The following ISCA1 variants were observed in gnomAD, a reference collection of about 807,000 sequenced individuals.
The protein encoded by ISCA1 is iron-sulfur cluster assembly 1 homolog, mitochondrial.
ISCA1 carries 9 observed loss-of-function variants against 14.7 expected under a neutral mutation model. The ratio of observed to expected loss-of-function variants is 0.61; its 90% CI spans 0.37 to 1.07. The LOEUF is 1.07. ISCA1 is among the 50% of genes least tolerant of loss of function. ISCA1 has a pLI of 0.01. For synonymous variants in ISCA1, 38 were observed against 54.3 expected, an observed-to-expected ratio of 0.70 and a Z score of 1.32; for missense variants, 102 against 150.1, an observed-to-expected ratio of 0.68 and a Z score of 1.67.
In ISCA1 at chr9:86,272,127, A is replaced by G. The variant is rs750786006; in HGVS notation, c.136-15T>C. The G allele has an allele frequency of 2.0e-6, 3 of 1,490,322 alleles. No homozygotes were observed. In the South Asian group the frequency reaches 3.4e-5, roughly 17 times the overall value. 92.3% of individuals were successfully genotyped at this position (1,490,322 alleles called of 1,614,324 possible). A position where few individuals can be genotyped will look rare whatever the true frequency, so the allele number is the denominator to read the frequency against. The stretch of plus-strand genomic sequence containing the variant: ...TTTACACCTACCTGAAAAAGAAGTG[A>G]AAATATAAACTTGGTTTTAAAGTAG... On this transcript the variant is annotated splice_polypyrimidine_tract_variant and intron_variant, in intron 2 of 3. Transcript: ENST00000375991.
chr9:86,280,162 A>ATG (rs1825492167), intron 1 of ISCA1, among the ~76,000 whole-genome samples: 1 of 152,234 alleles, frequency 6.6e-6, no homozygotes, highest in Non-Finnish European at 1.5e-5. Flanking sequence ...GAGGTGGCAA[A>ATG]GGCTTGGCCT....
intron 1 of ISCA1, among the ~76,000 whole-genome samples, chr9:86,278,565 G>C (rs1006480756): frequency 1.3e-5 from 2 of 152,100 alleles, no homozygotes; most frequent in Non-Finnish European, 2.9e-5. Flanking sequence ...AGTTACTTGG[G>C]AGGCTGAGGT....
At chr9:86,276,898 GC>G in intron 1 of ISCA1, among the ~76,000 whole-genome samples, 1 of 72,936 alleles carries the variant, frequency 1.4e-5, no homozygotes, top group Admixed American at 1.3e-4. Flanking sequence ...AAAAAAAAAG[GC>G]ATAGCCATGG....
At position 86,278,694 on chromosome 9, in the gene ISCA1, T is replaced by C. The variant is rs146022946; in HGVS notation, c.81+3684A>G. Among the ~76,000 whole-genome samples the C allele has an allele frequency of 2.6e-3, 391 of 152,266 alleles. 1 individual carries two copies. The highest frequency in any genetic ancestry group is 9.1e-3 in the African/African-American group (377 of 41,560). On this transcript the variant is annotated intron_variant, in intron 1 of 3. Transcript: ENST00000375991. ...CTAAAAAGAAAAAGGTTTGTAATCA[T>C]GGCATATATACATAATTTTGCAGCC... is the stretch of plus-strand genomic sequence containing the variant.
chr9:86,276,393 G>A (rs7037555), intron 1 of ISCA1, among the ~76,000 whole-genome samples: 46,433 of 151,980 alleles, frequency 0.31, 8,312 homozygotes, highest in East Asian at 0.49. Context: ...AGTCTGTAGC[G>A]CAGGGACTGG....
intron 1 of ISCA1, among the ~76,000 whole-genome samples, chr9:86,279,846 A>G (rs1825487228): frequency 6.6e-6 from 1 of 152,244 alleles, no homozygotes; most frequent in Non-Finnish European, 1.5e-5. Flanking sequence ...AATACATGCC[A>G]TAGTGTCCTG....
chr9:86,264,962 A>G lies in ISCA1; in HGVS notation c.*1081T>C, dbSNP rs1825276882. 3 of 152,214 alleles carry G rather than the reference A, an allele frequency of 2.0e-5. No homozygotes were observed. Among genetic ancestry groups the G allele is most frequent in the South Asian group, 4.1e-4 (2 of 4,834 alleles). 9.4% of individuals were successfully genotyped at this position (152,214 alleles called of 1,614,324 possible). ...TGCACACTGGGAATTTTAACAAAAG[A>G]TTACACATTCTCCTGTACAGTGAGG... On this transcript the variant is annotated 3_prime_UTR_variant, in exon 4 of 4. Transcript: ENST00000375991.
intron 3 of ISCA1, among the ~76,000 whole-genome samples, chr9:86,266,591 T>G (rs1825295301): frequency 6.6e-6 from 1 of 152,156 alleles, no homozygotes; most frequent in African/African-American, 2.4e-5. Flanking sequence ...AGCTTAAAGA[T>G]GTACAAAGGA....
At chr9:86,274,275 A>G (rs755430535) in intron 1 of ISCA1, 33 bp from the exon 2 acceptor site, 1 of 1,420,502 alleles carries the variant, frequency 7.0e-7, no homozygotes, top group South Asian at 1.2e-5. Context: ...TTAGCTACAA[A>G]ACTTGTTATT....
chr9:86,277,347 T>C lies in ISCA1; in HGVS notation c.82-3105A>G, dbSNP rs1825451336. ...CAGGCCAAAACCAAACCTACTCCAC[T>C]GGGAGGGTGTTACTAATGATGGACA... On this transcript the variant is annotated intron_variant, in intron 1 of 3. Transcript: ENST00000375991. Among the ~76,000 whole-genome samples the C allele has an allele frequency of 2.6e-5, 4 of 152,102 alleles. No individual in the cohort carries two copies. The South Asian group carries it at 8.3e-4, about 31-fold the overall frequency.
At chr9:86,281,258 G>A (rs1351880681) in intron 1 of ISCA1, among the ~76,000 whole-genome samples, 1 of 152,104 alleles carries the variant, frequency 6.6e-6, no homozygotes, top group Non-Finnish European at 1.5e-5. Context: ...TATAATCAGG[G>A]TAATATCAAA....
chr9:86,275,345 G>A (rs1344559599), intron 1 of ISCA1, among the ~76,000 whole-genome samples: 4 of 152,008 alleles, frequency 2.6e-5, no homozygotes, highest in Non-Finnish European at 5.9e-5. Flanking sequence ...TAAAGTCTTT[G>A]AGACTGCTTG....
chr9:86,267,550 G>A (rs952267389), intron 3 of ISCA1: 44 of 953,208 alleles, frequency 4.6e-5, no homozygotes, highest in Non-Finnish European at 5.4e-5. Context: ...TAGGGTGGAA[G>A]AAGGGGGCAG....
chr9:86,272,126 G>A lies in ISCA1; in HGVS notation c.136-14C>T. The A allele has an allele frequency of 6.7e-7, 1 of 1,493,450 alleles. No homozygotes were observed. Among genetic ancestry groups the A allele is most frequent in the East Asian group, 2.3e-5 (1 of 44,242 alleles). The allele number at this position is 1,493,450 out of a possible 1,614,324, so 92.5% of individuals were successfully genotyped here. On this transcript the variant is annotated splice_polypyrimidine_tract_variant and intron_variant, in intron 2 of 3. Coordinates refer to ENST00000375991, the MANE Select transcript of ISCA1 (RefSeq NM_030940.4). Reference sequence around the variant, plus strand: ...TTTTACACCTACCTGAAAAAGAAGTGAAAATATAAACTTGGTTTTAAAGTA... The same window carrying A: ...TTTTACACCTACCTGAAAAAGAAGTAAAAATATAAACTTGGTTTTAAAGTA...
chr9:86,266,647 A>G (rs1480037180), intron 3 of ISCA1, among the ~76,000 whole-genome samples: 1 of 152,198 alleles, frequency 6.6e-6, no homozygotes, highest in East Asian at 1.9e-4. Flanking sequence ...CAGTACAACA[A>G]TAGTCTTTTC....
intron 3 of ISCA1, among the ~76,000 whole-genome samples, chr9:86,269,563 C>T (rs1825339654): frequency 6.6e-6 from 1 of 151,906 alleles, no homozygotes. Context: ...CTACCAATGA[C>T]TTTCTTCACA....
intron 1 of ISCA1, among the ~76,000 whole-genome samples, chr9:86,280,369 A>G (rs1366480132): frequency 6.6e-6 from 1 of 152,014 alleles, no homozygotes; most frequent in African/African-American, 2.4e-5. Context: ...GTGGATCACG[A>G]GGTCAGGAGT....
At chr9:86,276,596 A>G (rs1032134119) in intron 1 of ISCA1, among the ~76,000 whole-genome samples, 14 of 152,056 alleles carry the variant, frequency 9.2e-5, no homozygotes, top group Admixed American at 7.9e-4. Flanking sequence ...TATTCCCAAC[A>G]CTTTGGGAGG....
chr9:86,267,031 T>A (rs1469217752), intron 3 of ISCA1: 1 of 152,154 alleles, frequency 6.6e-6, no homozygotes, highest in Non-Finnish European at 1.5e-5. Context: ...AGCTTTCTAG[T>A]CTGGGAAACA....
Sources: allele counts gnomAD v4.1 joint callset (sites outside exome capture counted in the v4.1 genomes callset), GRCh38; gene constraint gnomAD v4.1.1; transcripts MANE v1.5; gene names NCBI Gene and HGNC (gene_info 2026-07-23, HGNC 2026-07-21).